LRP8: variants seen among roughly 807,000 people sequenced by gnomAD.
LRP8 encodes the protein low-density lipoprotein receptor-related protein 8.
Under a neutral mutation model 111.6 loss-of-function variants are expected in LRP8, and 46 were observed. The ratio of observed to expected loss-of-function variants is 0.41; its 90% CI spans 0.33 to 0.53. LRP8 has a LOEUF of 0.53. Ranked by LOEUF, LRP8 falls within the 20% of genes least tolerant of loss-of-function variation. The probability of loss-of-function intolerance (pLI) is 0.20; values close to 1 mark genes in which losing one functional copy is unlikely to be tolerated. For missense variants in LRP8, 959 were observed against 1,297.4 expected (o/e 0.74, Z 4.01); for synonymous variants, 464 against 511.2 (o/e 0.91, Z 1.24).
rs1399921196 is a variant in LRP8 at position 53,243,055 on chromosome 1, C to T, written c.*3963G>A. 1 of 151,978 alleles carries T rather than the reference C, an allele frequency of 6.6e-6. No individual in the cohort carries two copies. Among genetic ancestry groups the T allele is most frequent in the Non-Finnish European group, 1.5e-5 (1 of 67,998 alleles). The allele number at this position is 151,978 out of a possible 1,614,324, so 9.4% of individuals were successfully genotyped here. On this transcript the variant is annotated 3_prime_UTR_variant, in exon 19 of 19. Coordinates refer to ENST00000306052, the MANE Select transcript of LRP8 (RefSeq NM_004631.5). ...CTAAATTCTCCATACCCTAAAAATA[C>T]AGTGTGAGAAGTCTGTTACTCTATC...
chr1:53,272,767 A>C (rs1271660596), intron 6 of LRP8: 5 of 755,380 alleles, frequency 6.6e-6, no homozygotes, highest in Non-Finnish European at 9.9e-6. Flanking sequence ...CACCTCTAGG[A>C]ATCTTTCAGT....
At chr1:53,281,868 C>T (rs1310113356) in intron 3 of LRP8, among the ~76,000 whole-genome samples, 1 of 152,218 alleles carries the variant, frequency 6.6e-6, no homozygotes, top group Admixed American at 6.5e-5. Context: ...TACCAGATGA[C>T]TCTGAATTTT....
At chr1:53,314,759 G>A (rs1653580511) in intron 2 of LRP8, among the ~76,000 whole-genome samples, 1 of 152,346 alleles carries the variant, frequency 6.6e-6, no homozygotes, top group South Asian at 2.1e-4. Flanking sequence ...TGGGATGGAA[G>A]GGGGAGGCCG....
intron 3 of LRP8, among the ~76,000 whole-genome samples, chr1:53,281,028 T>C (rs761250213): frequency 1.3e-5 from 2 of 152,186 alleles, no homozygotes; most frequent in Non-Finnish European, 2.9e-5. Flanking sequence ...AAACCTCCAC[T>C]TTAAGTTCTG....
rs1273316996 is a variant in LRP8, at chr1:53,242,364, T to C, written c.*4654A>G. The C allele has an allele frequency of 1.3e-5, 2 of 151,986 alleles. No individual in the cohort carries two copies. Among genetic ancestry groups the C allele is most frequent in the Non-Finnish European group, 2.9e-5 (2 of 67,952 alleles). The allele number at this position is 151,986 out of a possible 1,614,324, so 9.4% of individuals were successfully genotyped here. A position where few individuals can be genotyped will look rare whatever the true frequency, so the allele number is the denominator to read the frequency against. Reference sequence around the variant, plus strand: ...TTACAATGAAACAAAACTTAAAAGATTTTTTTTAAATGAATTTAATCTCTC... The same window carrying C: ...TTACAATGAAACAAAACTTAAAAGACTTTTTTTAAATGAATTTAATCTCTC... On this transcript the variant is annotated 3_prime_UTR_variant, in exon 19 of 19. Transcript: ENST00000306052.
At chr1:53,309,159 C>T (rs1652544115) in intron 2 of LRP8, among the ~76,000 whole-genome samples, 1 of 152,124 alleles carries the variant, frequency 6.6e-6, no homozygotes, top group African/African-American at 2.4e-5. Flanking sequence ...CCTGTAATGC[C>T]AGCTACTTGG....
In LRP8 at chr1:53,250,654, C is replaced by A. The variant is rs137917952; in HGVS notation, c.2676+36G>T. Reference sequence around the variant, plus strand: ...AAGAAAGGATGGAAGGGAAGATGGTCGGAAGGTAGGAATTCTCCCAGTGAG... The same window carrying A: ...AAGAAAGGATGGAAGGGAAGATGGTAGGAAGGTAGGAATTCTCCCAGTGAG... On this transcript the variant is annotated intron_variant, in intron 17 of 18. Coordinates refer to ENST00000306052, the MANE Select transcript of LRP8 (RefSeq NM_004631.5). The surrounding 1 kb of genome is among the most constrained non-coding windows in gnomAD (Gnocchi z 4.6). 39 of 1,587,356 alleles carry A rather than the reference C, an allele frequency of 2.5e-5. No individual in the cohort carries two copies. The East Asian group carries it at 8.6e-4, about 35-fold the overall frequency.
intron 3 of LRP8, among the ~76,000 whole-genome samples, chr1:53,282,857 T>C (rs376860580): frequency 1.3e-5 from 2 of 152,114 alleles, no homozygotes; most frequent in African/African-American, 4.8e-5. Context: ...AGATGTTCCA[T>C]ACACTTGCAA....
Position 53,266,807 on chromosome 1 carries a change from A to C in LRP8, c.1253-160T>G. 1.6e-6 allele frequency: 1 copy of C among 622,790 alleles called. No homozygotes were observed. The highest frequency in any genetic ancestry group is 2.8e-6 in the Non-Finnish European group (1 of 351,516). 38.6% of individuals were successfully genotyped at this position (622,790 alleles called of 1,614,324 possible). A position where few individuals can be genotyped will look rare whatever the true frequency, so the allele number is the denominator to read the frequency against. On this transcript the variant is annotated intron_variant, in intron 8 of 18. Coordinates refer to ENST00000306052, the MANE Select transcript of LRP8 (RefSeq NM_004631.5). The surrounding 1 kb of genome is among the most constrained non-coding windows in gnomAD (Gnocchi z 5.0). ...GGTTGCAGGAGCAGATGAAATAATGAGTACAGAAAGCAGAAGATGCAGAGC... is the reference window on the plus strand; with the variant it reads ...GGTTGCAGGAGCAGATGAAATAATGCGTACAGAAAGCAGAAGATGCAGAGC...
intron 14 of LRP8, 52 bp from the exon 15 acceptor site, chr1:53,257,516 A>C: frequency 1.4e-6 from 2 of 1,431,928 alleles, no homozygotes; most frequent in Non-Finnish European, 2.0e-6. Flanking sequence ...TTGTTGCCTA[A>C]GGTATTGCCT....
Position 53,249,582 on chromosome 1 carries a change from G to T in LRP8, c.2677-26C>A. 1 of 1,556,922 alleles carries T rather than the reference G, an allele frequency of 6.4e-7. No homozygotes were observed. Among genetic ancestry groups the T allele is most frequent in the South Asian group, 1.2e-5 (1 of 84,784 alleles). On this transcript the variant is annotated intron_variant, in intron 17 of 18. Coordinates refer to ENST00000306052, the MANE Select transcript of LRP8 (RefSeq NM_004631.5). This position sits in a 1 kb window ranked among gnomAD's most constrained non-coding sequence, Gnocchi z 4.1. ...CTGACAGGGGGATGGCACTGTGGAT[G>T]ACCTCTGAGGTCACACTCAGCCCCC...
In LRP8 at chr1:53,294,119, G is replaced by A. The variant is rs1452067550; in HGVS notation, c.245-4430C>T. ...GGTTCCCAGGGTGATTCCCCAGCTG[G>A]GCTCAAGGCCATGGCTCCCTGTTTC... On this transcript the variant is annotated intron_variant, in intron 2 of 18. Transcript: ENST00000306052. The surrounding 1 kb of genome is among the most constrained non-coding windows in gnomAD (Gnocchi z 4.1). 6.6e-6 allele frequency among the ~76,000 whole-genome samples: 1 copy of A among 152,192 alleles called. No individual in the cohort carries two copies. Among genetic ancestry groups the A allele is most frequent in the Non-Finnish European group, 1.5e-5 (1 of 68,034 alleles).
At chr1:53,253,203 G>T (rs1392526322) in intron 16 of LRP8, among the ~76,000 whole-genome samples, 2 of 152,126 alleles carry the variant, frequency 1.3e-5, no homozygotes, top group Non-Finnish European at 2.9e-5. Context: ...TTAGAGTGAG[G>T]CTGGCCTTCT....
Position 53,250,029 on chromosome 1 carries a change from A to C in LRP8, c.2677-473T>G, listed in dbSNP as rs1488242020. Among the ~76,000 whole-genome samples, 1 of 152,230 alleles carries C rather than the reference A, an allele frequency of 6.6e-6. No individual in the cohort carries two copies. The highest frequency in any genetic ancestry group is 1.5e-5 in the Non-Finnish European group (1 of 68,044). ...GGGGCTGTGAGGTAGAGAGGCCCAG[A>C]GTACTGTGGGAGAACAAAGCAAGCC... On this transcript the variant is annotated intron_variant, in intron 17 of 18. Transcript: ENST00000306052. This position sits in a 1 kb window ranked among gnomAD's most constrained non-coding sequence, Gnocchi z 4.6.
At chr1:53,281,324 C>G (rs1647102956) in intron 3 of LRP8, among the ~76,000 whole-genome samples, 1 of 152,246 alleles carries the variant, frequency 6.6e-6, no homozygotes, top group Non-Finnish European at 1.5e-5. Context: ...CAATCAGAGG[C>G]TGACTCAATC....
At chr1:53,315,999 C>T (rs1327056475) in intron 2 of LRP8, among the ~76,000 whole-genome samples, 3 of 152,166 alleles carry the variant, frequency 2.0e-5, no homozygotes, top group Non-Finnish European at 2.9e-5. Context: ...GGGCTCAAGC[C>T]ACATGGGCTG....
At chr1:53,287,778 G>C (rs991178627) in intron 3 of LRP8, among the ~76,000 whole-genome samples, 15 of 152,136 alleles carry the variant, frequency 9.9e-5, no homozygotes, top group African/African-American at 3.4e-4. Flanking sequence ...CAGGGGATGG[G>C]AAGGCAGCAG....
At chr1:53,255,799 T>C (rs1327734280) in intron 15 of LRP8, among the ~76,000 whole-genome samples, 1 of 152,204 alleles carries the variant, frequency 6.6e-6, no homozygotes. Context: ...ATACAGCACA[T>C]GGTATTATAC....
intron 13 of LRP8, among the ~76,000 whole-genome samples, chr1:53,259,848 A>G (rs1333594222): frequency 6.6e-6 from 1 of 152,178 alleles, no homozygotes; most frequent in Non-Finnish European, 1.5e-5. Flanking sequence ...TTAAATTTCT[A>G]GGTCTAGAAT....
Sources: gnomAD v4.1 joint callset for allele counts (sites outside exome capture counted in the v4.1 genomes callset) on GRCh38, gnomAD v4.1.1 for gene constraint, Gnocchi (gnomAD v3.1) non-coding constraint, MANE v1.5 for transcripts, NCBI Gene and HGNC (gene_info 2026-07-23, HGNC 2026-07-21) for gene names.